Variants in SCFD1 observed in about 807,000 individuals in gnomAD.
The protein encoded by SCFD1 is sec1 family domain containing 1.
A neutral mutation model predicts 103.2 loss-of-function variants in SCFD1; 37 were observed. The observed-to-expected ratio is 0.36, with a 90% CI of 0.28 to 0.47. The LOEUF is 0.47. Among genes scored for constraint, SCFD1 ranks in the 20% least tolerant of loss-of-function variants. The probability of loss-of-function intolerance (pLI) is 1.00; values close to 1 mark genes in which losing one functional copy is unlikely to be tolerated. For missense variants in SCFD1, 639 were observed against 761.2 expected (o/e 0.84, Z 1.89); for synonymous variants, 264 against 245.0 (o/e 1.08, Z -0.73).
intron 23 of SCFD1, among the ~76,000 whole-genome samples, chr14:30,725,825 C>T (rs1893003716): frequency 6.7e-6 from 1 of 150,266 alleles, no homozygotes; most frequent in Admixed American, 6.6e-5. Flanking sequence ...GTTGCTTGAC[C>T]AGGCTCAAAA....
chr14:30,655,157 T>A (rs1886781259), intron 10 of SCFD1, among the ~76,000 whole-genome samples: 1 of 152,192 alleles, frequency 6.6e-6, no homozygotes, highest in African/African-American at 2.4e-5. Flanking sequence ...GTAAAGTAGA[T>A]AATGGTGAAC....
chr14:30,643,122 G>A (rs1836324453), intron 6 of SCFD1, among the ~76,000 whole-genome samples, 194 bp from the exon 7 acceptor site: 2 of 152,022 alleles, frequency 1.3e-5, no homozygotes, highest in Admixed American at 6.6e-5. Flanking sequence ...GCAGTAAGCC[G>A]TGATCATGTC....
chr14:30,640,675 A>ATT (rs1423109029), intron 6 of SCFD1, among the ~76,000 whole-genome samples: 1 of 151,854 alleles, frequency 6.6e-6, no homozygotes, highest in East Asian at 1.9e-4. Flanking sequence ...AATTCAGAAT[A>ATT]TTAAGTGGTT....
chr14:30,643,526 G>A, intron 7 of SCFD1, 121 bp downstream of exon 7: 1 of 694,262 alleles, frequency 1.4e-6, no homozygotes, highest in Non-Finnish European at 2.5e-6. Flanking sequence ...TTCTCGAGTG[G>A]AGTAAAATAT....
chr14:30,700,682 TA>T (rs1324803318), intron 16 of SCFD1, among the ~76,000 whole-genome samples: 2 of 151,830 alleles, frequency 1.3e-5, no homozygotes, highest in East Asian at 3.9e-4. Context: ...TCAAATAAAA[TA>T]AAAGAAAAAA....
chr14:30,704,964 G>A (rs553701821), intron 17 of SCFD1, among the ~76,000 whole-genome samples: 5 of 152,256 alleles, frequency 3.3e-5, no homozygotes, highest in African/African-American at 1.2e-4. Context: ...TCTTCTGGGA[G>A]CATTTTATAT....
intron 23 of SCFD1, among the ~76,000 whole-genome samples, chr14:30,732,673 C>T (rs797018133): frequency 5.3e-5 from 8 of 152,306 alleles, no homozygotes; most frequent in African/African-American, 1.9e-4. Flanking sequence ...ACTGGCAATA[C>T]AGAATTAACT....
chr14:30,650,574 A>G lies in SCFD1; in HGVS notation c.679A>G (p.Lys227Glu), dbSNP rs1886307092. Reference sequence around the variant, plus strand: ...AAATTTTATTTTTCAGAAACTAGACAAGAAACTTCGAGAAAATCTAAGAGA... The same window carrying G: ...AAATTTTATTTTTCAGAAACTAGACGAGAAACTTCGAGAAAATCTAAGAGA... ...AAEMVAVKLD[K>E]KLRENLRDAR... The change falls in exon 9 of 25, where the codon AAG (lysine) becomes GAG (glutamate). Residue 227 changes from lysine to glutamate, a missense_variant. By Grantham distance (56) the Lys-to-Glu change is moderately conservative. Transcript: ENST00000458591. 3 of 1,600,458 alleles carry G rather than the reference A, an allele frequency of 1.9e-6. No individual in the cohort carries two copies. The highest frequency in any genetic ancestry group is 1.3e-5 in the African/African-American group (1 of 74,598).
At chr14:30,718,426 C>T (rs988384274) in intron 20 of SCFD1, among the ~76,000 whole-genome samples, 8 of 152,158 alleles carry the variant, frequency 5.3e-5, no homozygotes, top group South Asian at 2.1e-4. Context: ...TTATTGCAGA[C>T]GGATATTTTT....
At chr14:30,661,450 C>A (rs1887442345) in intron 10 of SCFD1, among the ~76,000 whole-genome samples, 1 of 152,140 alleles carries the variant, frequency 6.6e-6, no homozygotes. Context: ...ATCATTTTAG[C>A]TAGAAGCCCA....
chr14:30,708,804 A>C (rs1891661554), intron 19 of SCFD1, among the ~76,000 whole-genome samples: 1 of 151,974 alleles, frequency 6.6e-6, no homozygotes, highest in Non-Finnish European at 1.5e-5. Flanking sequence ...TCGATTTCGC[A>C]TTTTCTTTCT....
chr14:30,681,220 CAAA>C (rs34998524), intron 14 of SCFD1, among the ~76,000 whole-genome samples: 4 of 98,250 alleles, frequency 4.1e-5, no homozygotes, highest in East Asian at 2.4e-4. Flanking sequence ...GACTCTGTCT[CAAA>C]AAAAAAAAAA....
chr14:30,649,796 G>A (rs1886227913), intron 8 of SCFD1, among the ~76,000 whole-genome samples: 1 of 152,030 alleles, frequency 6.6e-6, no homozygotes, highest in Non-Finnish European at 1.5e-5. Flanking sequence ...TTACTCCGGT[G>A]TGCTATTCCA....
At chr14:30,710,890 T>A (rs1891823791) in intron 19 of SCFD1, among the ~76,000 whole-genome samples, 1 of 152,210 alleles carries the variant, frequency 6.6e-6, no homozygotes, top group Non-Finnish European at 1.5e-5. Context: ...TTGTTTTGGA[T>A]CTTTTTATCT....
intron 14 of SCFD1, among the ~76,000 whole-genome samples, chr14:30,692,472 A>G (rs532572436): frequency 6.6e-6 from 1 of 152,288 alleles, no homozygotes; most frequent in South Asian, 2.1e-4. Flanking sequence ...GTAGGGATTG[A>G]AGGAAGAGTT....
chr14:30,709,031 T>C (rs950912708), intron 19 of SCFD1, among the ~76,000 whole-genome samples: 11 of 152,342 alleles, frequency 7.2e-5, no homozygotes, highest in Middle Eastern at 3.4e-3. Context: ...TTGTTTCATC[T>C]ATCCCATTTG....
chr14:30,731,768 T>C (rs1299036270), intron 23 of SCFD1, among the ~76,000 whole-genome samples: 1 of 152,076 alleles, frequency 6.6e-6, no homozygotes, highest in Admixed American at 6.6e-5. Context: ...GATAATGGGG[T>C]TTTCTAGATA....
intron 21 of SCFD1, among the ~76,000 whole-genome samples, chr14:30,720,396 G>A (rs1892572770): frequency 6.6e-6 from 1 of 152,092 alleles, no homozygotes; most frequent in Admixed American, 6.6e-5. Flanking sequence ...ACCACTGATT[G>A]TACACTTTAC....
At chr14:30,657,027 C>T (rs951209414) in intron 10 of SCFD1, among the ~76,000 whole-genome samples, 3 of 151,848 alleles carry the variant, frequency 2.0e-5, no homozygotes, top group Non-Finnish European at 4.4e-5. Flanking sequence ...GGGGCCCTTA[C>T]TGTTGGGTAG....
Sources: gnomAD v4.1 joint callset for allele counts (sites outside exome capture counted in the v4.1 genomes callset) on GRCh38, gnomAD v4.1.1 for gene constraint, MANE v1.5 for transcripts, NCBI Gene and HGNC (gene_info 2026-07-23, HGNC 2026-07-21) for gene names.